The following GLT1D1 variants were observed in gnomAD, a reference collection of about 807,000 sequenced individuals.
The protein encoded by GLT1D1 is glycosyltransferase 1 domain containing 1.
A neutral mutation model predicts 28.7 loss-of-function variants in GLT1D1; 21 were observed. That is an observed-to-expected ratio of 0.73 (90% CI 0.52 to 1.05). GLT1D1 has a LOEUF of 1.05. Among genes scored for constraint, GLT1D1 ranks in the 50% least tolerant of loss-of-function variants. The pLI is 0.00. For synonymous variants in GLT1D1, 147 were observed against 124.8 expected (o/e 1.18, Z -1.19); for missense variants, 343 against 330.6 (o/e 1.04, Z -0.29).
At chr12:128,856,430 C>T (rs141058826) in intron 1 of GLT1D1, among the ~76,000 whole-genome samples, 9 of 152,256 alleles carry the variant, frequency 5.9e-5, no homozygotes, top group African/African-American at 1.4e-4. Context: ...CTGGTTCAGA[C>T]GCCTCTGACA....
chr12:128,929,375 C>T lies in GLT1D1; in HGVS notation c.376-15951C>T, dbSNP rs1024920281. Among the ~76,000 whole-genome samples, 7 of 152,330 alleles carry T rather than the reference C, an allele frequency of 4.6e-5. No homozygotes were observed. In the South Asian group the frequency reaches 6.2e-4, roughly 14 times the overall value. On this transcript the variant is annotated intron_variant, in intron 4 of 7. Transcript: ENST00000281703. ...ACTCCAAGCAGTTTGGAAAACAAAA[C>T]GCACTTAGCGTTTCCAGCCAGATGG...
chr12:128,878,888 T>G (rs2135803443), intron 2 of GLT1D1, among the ~76,000 whole-genome samples: 1 of 152,316 alleles, frequency 6.6e-6, no homozygotes, highest in East Asian at 1.9e-4. Flanking sequence ...GTGCTGAGAT[T>G]AAAGGCATGA....
chr12:128,919,943 TTCTCTCTCTCTC>T (rs1160496585), intron 4 of GLT1D1, among the ~76,000 whole-genome samples: 1 of 109,708 alleles, frequency 9.1e-6, no homozygotes, highest in African/African-American at 3.6e-5. Flanking sequence ...TATTGCTTAT[TTCTCTCTCTCTC>T]TCTCTCTCTC....
At chr12:128,927,147 G>T (rs1432872300) in intron 4 of GLT1D1, 1 of 1,535,078 alleles carries the variant, frequency 6.5e-7, no homozygotes. Flanking sequence ...GTGATTGTGG[G>T]TCCTGAAGTA....
chr12:128,961,574 A>G (rs1166019139), intron 7 of GLT1D1, among the ~76,000 whole-genome samples: 1 of 152,230 alleles, frequency 6.6e-6, no homozygotes, highest in Non-Finnish European at 1.5e-5. Flanking sequence ...AACGATGACT[A>G]TCGCACATTC....
At chr12:128,889,233 C>T (rs925558440) in intron 3 of GLT1D1, among the ~76,000 whole-genome samples, 2 of 152,078 alleles carry the variant, frequency 1.3e-5, no homozygotes, top group African/African-American at 4.8e-5. Flanking sequence ...TCAGGTTTGC[C>T]CAAGTAGACT....
chr12:128,900,292 T>C (rs1392568527), intron 4 of GLT1D1, among the ~76,000 whole-genome samples: 1 of 152,238 alleles, frequency 6.6e-6, no homozygotes, highest in Non-Finnish European at 1.5e-5. Flanking sequence ...TTATTCCTGT[T>C]GGTTGGGAGG....
intron 7 of GLT1D1, among the ~76,000 whole-genome samples, chr12:128,978,672 A>G (rs1022113274): frequency 2.6e-5 from 4 of 152,190 alleles, no homozygotes; most frequent in African/African-American, 9.6e-5. Context: ...GGAAGAATTC[A>G]GGGTGAGTCC....
At position 128,853,494 on chromosome 12, in the gene GLT1D1, C is replaced by T. The variant is rs1411839968; in HGVS notation, c.-88C>T. On this transcript the variant is annotated 5_prime_UTR_variant, in exon 1 of 8. Coordinates refer to ENST00000281703, the MANE Select transcript of GLT1D1 (RefSeq NM_144669.3). Reference sequence around the variant, plus strand: ...GCGGGCGGGACAGACCCAGCCGCCCCGGCTCCCCCGCCGTCCGCGTCTGCG... The same window carrying T: ...GCGGGCGGGACAGACCCAGCCGCCCTGGCTCCCCCGCCGTCCGCGTCTGCG... 2 of 971,236 alleles carry T rather than the reference C, an allele frequency of 2.1e-6. No individual in the cohort carries two copies. The highest frequency in any genetic ancestry group is 2.5e-6 in the Non-Finnish European group (2 of 813,524). 60.2% of individuals were successfully genotyped at this position (971,236 alleles called of 1,614,324 possible).
At chr12:128,919,973 C>CCA (rs1872498914) in intron 4 of GLT1D1, among the ~76,000 whole-genome samples, 1 of 5,442 alleles carries the variant, frequency 1.8e-4, no homozygotes, top group Non-Finnish European at 5.5e-4. Flanking sequence ...CTCTCTCTCT[C>CCA]TCTCTCTCTC....
At chr12:128,877,799 C>A (rs1252888113) in intron 2 of GLT1D1, among the ~76,000 whole-genome samples, 1 of 152,224 alleles carries the variant, frequency 6.6e-6, no homozygotes, top group Non-Finnish European at 1.5e-5. Context: ...TCTAATGGTT[C>A]CTGTGGGCAT....
intron 7 of GLT1D1, among the ~76,000 whole-genome samples, chr12:128,978,923 A>G (rs761615764): frequency 2.0e-5 from 3 of 152,132 alleles, no homozygotes; most frequent in Non-Finnish European, 2.9e-5. Context: ...GGACAACCGG[A>G]GGTCATGCTC....
At chr12:128,908,527 C>G (rs190824766) in intron 4 of GLT1D1, among the ~76,000 whole-genome samples, 1 of 145,236 alleles carries the variant, frequency 6.9e-6, no homozygotes, top group East Asian at 2.0e-4. Context: ...TTCTTTCTTT[C>G]CTTCTTTCTT....
At position 128,856,593 on chromosome 12, in the gene GLT1D1, TGA is replaced by T. The variant is rs1228124544; in HGVS notation, c.68+2947_68+2948del. On this transcript the variant is annotated intron_variant, in intron 1 of 7. Transcript: ENST00000281703. ...GGATGGTCCCAGGAAGGAATAATGG[TGA>T]GAACACAGGTCCTGAGCTGTGTGAG... Among the ~76,000 whole-genome samples, 7 of 151,894 alleles carry T rather than the reference TGA, an allele frequency of 4.6e-5. No homozygotes were observed. In the East Asian group the frequency reaches 1.4e-3, roughly 29 times the overall value.
chr12:128,947,921 G>A (rs1215687683), intron 6 of GLT1D1, among the ~76,000 whole-genome samples: 6 of 152,306 alleles, frequency 3.9e-5, no homozygotes, highest in South Asian at 4.1e-4. Context: ...GGTAGTGTTC[G>A]TAGATGACGG....
At chr12:128,919,499 A>G (rs1358774541) in intron 4 of GLT1D1, among the ~76,000 whole-genome samples, 2 of 152,212 alleles carry the variant, frequency 1.3e-5, no homozygotes, top group African/African-American at 2.4e-5. Flanking sequence ...ACCATACTCA[A>G]TTCTATCTCT....
At chr12:128,857,766 G>T (rs1225149360) in intron 1 of GLT1D1, among the ~76,000 whole-genome samples, 5 of 152,120 alleles carry the variant, frequency 3.3e-5, no homozygotes, top group African/African-American at 1.2e-4. Flanking sequence ...TCAGAATTAG[G>T]TAAGACTGAA....
At chr12:128,936,878 C>A (rs1874623445) in intron 4 of GLT1D1, among the ~76,000 whole-genome samples, 1 of 152,136 alleles carries the variant, frequency 6.6e-6, no homozygotes, top group Non-Finnish European at 1.5e-5. Flanking sequence ...AAATATCCCC[C>A]CTTCTTTTTC....
chr12:128,880,261 T>G (rs1957002635), intron 2 of GLT1D1, among the ~76,000 whole-genome samples: 1 of 152,218 alleles, frequency 6.6e-6, no homozygotes, highest in South Asian at 2.1e-4. Flanking sequence ...GAAGTTAGGT[T>G]TGCTTCTTTT....
Sources: allele counts gnomAD v4.1 joint callset (sites outside exome capture counted in the v4.1 genomes callset), GRCh38; gene constraint gnomAD v4.1.1; transcripts MANE v1.5; gene names NCBI Gene and HGNC (gene_info 2026-07-23, HGNC 2026-07-21).